The following E2F1 variants were observed in gnomAD, a reference collection of about 807,000 sequenced individuals.
The protein encoded by E2F1 is transcription factor E2F1.
Under a neutral mutation model 36.9 loss-of-function variants are expected in E2F1, and 7 were observed. That is an observed-to-expected ratio of 0.19 (90% confidence interval 0.11 to 0.36). The LOEUF is 0.36. E2F1 is among the 10% of genes least tolerant of loss of function. The pLI is 1.00. For missense variants in E2F1, 406 were observed against 573.6 expected (o/e 0.71, Z 2.99); for synonymous variants, 261 against 263.1 (o/e 0.99, Z 0.08).
At position 33,679,153 on chromosome 20, in the gene E2F1, G is replaced by A. The variant is rs2017995936; in HGVS notation, c.572+602C>T. ...GGATAGTGGTGACCTGGCGGTGTGA[G>A]GGGTTGGCAATGACTGGAAAGGGGC... On this transcript the variant is annotated intron_variant, in intron 3 of 6. Transcript: ENST00000343380. The surrounding 1 kb of genome is among the most constrained non-coding windows in gnomAD (Gnocchi z 4.6). Among the ~76,000 whole-genome samples the A allele has an allele frequency of 6.6e-6, 1 of 152,252 alleles. No individual in the cohort carries two copies. The highest frequency in any genetic ancestry group is 6.5e-5 in the Admixed American group (1 of 15,292).
Position 33,686,031 on chromosome 20 carries a change from C to A in E2F1, c.234G>T (p.Ala78=). Reference sequence around the variant, plus strand: ...GCGGGCGGCCGAGCGCGGGCCGCGGCGCACTGGGTGTGGGCCGGGGCGCCT... The same window carrying A: ...GCGGGCGGCCGAGCGCGGGCCGCGGAGCACTGGGTGTGGGCCGGGGCGCCT... ...TPQAPRPTPS[A]PRPALGRPPV... Residue 78 remains alanine, a synonymous_variant, in exon 1 of 7, where the codon GCG becomes GCT. Transcript: ENST00000343380. The A allele has an allele frequency of 8.8e-7, 1 of 1,133,460 alleles. No individual in the cohort carries two copies. The highest frequency in any genetic ancestry group is 1.1e-6 in the Non-Finnish European group (1 of 926,124). 70.2% of individuals were successfully genotyped at this position (1,133,460 alleles called of 1,614,324 possible). A position where few individuals can be genotyped will look rare whatever the true frequency, so the allele number is the denominator to read the frequency against.
intron 1 of E2F1, among the ~76,000 whole-genome samples, chr20:33,682,034 C>A (rs187389212): frequency 7.8e-6 from 1 of 127,528 alleles, no homozygotes; most frequent in East Asian, 2.8e-4. Context: ...TGGGCAGAAA[C>A]CTTACGCATC....
rs763333981 is a variant in E2F1, at chr20:33,678,278, G to A, written c.648C>T (p.Ser216=). ...LTQDLRQLQE[S]EQQLDHLMNI... Reference sequence around the variant, plus strand: ...TCATCAGGTGGTCCAGCTGCTGCTCGCTCTCCTGCAGCTGTCGGAGGTCCT... The same window carrying A: ...TCATCAGGTGGTCCAGCTGCTGCTCACTCTCCTGCAGCTGTCGGAGGTCCT... The change falls in exon 4 of 7, where the codon AGC becomes AGT. Residue 216 remains serine (S), a synonymous_variant. Transcript: ENST00000343380. 4 of 1,613,144 alleles carry A rather than the reference G, an allele frequency of 2.5e-6. No homozygotes were observed. The highest frequency in any genetic ancestry group is 2.2e-5 in the South Asian group (2 of 91,048).
At position 33,677,138 on chromosome 20, in the gene E2F1, C is replaced by A; in HGVS notation, c.1033G>T (p.Asp345Tyr). 1 of 1,610,902 alleles carries A rather than the reference C, an allele frequency of 6.2e-7. No homozygotes were observed. Among genetic ancestry groups the A allele is most frequent in the Non-Finnish European group, 8.5e-7 (1 of 1,178,502 alleles). The change falls in exon 6 of 7, where the codon GAT becomes TAT. Residue 345 changes from aspartate to tyrosine, a missense_variant. Asp to Tyr is a radical substitution (Grantham distance 160, BLOSUM62 -3). Coordinates refer to ENST00000343380, the MANE Select transcript of E2F1 (RefSeq NM_005225.3). The part of the protein sequence containing the change: ...PSSPPSSLTT[D>Y]PSQSLLSLEQ... ...AGGCTGAGTAGAGACTGGCTGGGAT[C>A]TGTGGTGAGGGATGAGGGGGGAGAT...
rs575207919 is a variant in E2F1, at chr20:33,679,351, C to A, written c.572+404G>T. Among the ~76,000 whole-genome samples, 2 of 152,356 alleles carry A rather than the reference C, an allele frequency of 1.3e-5. No individual in the cohort carries two copies. The highest frequency in any genetic ancestry group is 4.8e-5 in the African/African-American group (2 of 41,586). Reference sequence around the variant, plus strand: ...CTGAGATCAGGAGTTCGAGACCAGACTGGCCAACATGGTGAAACCCCATTT... The same window carrying A: ...CTGAGATCAGGAGTTCGAGACCAGAATGGCCAACATGGTGAAACCCCATTT... On this transcript the variant is annotated intron_variant, in intron 3 of 6. Coordinates refer to ENST00000343380, the MANE Select transcript of E2F1 (RefSeq NM_005225.3). This position sits in a 1 kb window ranked among gnomAD's most constrained non-coding sequence, Gnocchi z 4.6.
At chr20:33,681,725 GT>G (rs1160992216) in intron 1 of E2F1, among the ~76,000 whole-genome samples, 1 of 152,130 alleles carries the variant, frequency 6.6e-6, no homozygotes, top group Non-Finnish European at 1.5e-5. Context: ...TTCCTGACCT[GT>G]CACCCTCCTC....
Position 33,677,525 on chromosome 20 carries a change from C to G in E2F1, c.741G>C (p.Thr247=). 1 of 1,613,974 alleles carries G rather than the reference C, an allele frequency of 6.2e-7. No individual in the cohort carries two copies. ...DTDSQRLAYV[T]CQDLRSIADP... is the part of the protein sequence containing the mutation. The stretch of plus-strand genomic sequence containing the variant: ...CTGCAATGCTACGAAGGTCCTGACA[C>G]GTCACGTAGGCCAGGGTTGGCAGAG... Residue 247 remains threonine (T), a synonymous_variant, in exon 5 of 7, where the codon ACG becomes ACC. Coordinates refer to ENST00000343380, the MANE Select transcript of E2F1 (RefSeq NM_005225.3).
In E2F1 at chr20:33,677,531, G is replaced by A. The variant is rs141063030; in HGVS notation, c.735C>T (p.Tyr245=). 2.2e-4 allele frequency: 350 copies of A among 1,613,808 alleles called. No homozygotes were observed. The highest frequency in any genetic ancestry group is 2.6e-4 in the Non-Finnish European group (311 of 1,179,822). Residue 245 remains tyrosine, a synonymous_variant, in exon 5 of 7, where the codon TAC becomes TAT. Coordinates refer to ENST00000343380, the MANE Select transcript of E2F1 (RefSeq NM_005225.3). ...SEDTDSQRLA[Y]VTCQDLRSIA... ...TGCTACGAAGGTCCTGACACGTCAC[G>A]TAGGCCAGGGTTGGCAGAGTCAAGG...
rs949371147 is a variant in E2F1 at position 33,680,106 on chromosome 20, G to A, written c.353-132C>T. On this transcript the variant is annotated intron_variant, in intron 2 of 6. Transcript: ENST00000343380. The stretch of plus-strand genomic sequence containing the variant: ...GGACAGCCAGCTCCTTCCCCTTGGC[G>A]AGGCCAACCACAGCATTCTTCTTCT... The A allele has an allele frequency of 6.4e-6, 6 of 935,234 alleles. No homozygotes were observed. In the African/African-American group the frequency reaches 6.5e-5, roughly 10 times the overall value. The allele number at this position is 935,234 out of a possible 1,614,324, so 57.9% of individuals were successfully genotyped here.
intron 3 of E2F1, 97 bp from the exon 4 acceptor site, chr20:33,678,450 C>A: frequency 6.8e-7 from 1 of 1,462,562 alleles, no homozygotes; most frequent in South Asian, 1.3e-5. Flanking sequence ...TGCCTCTGTT[C>A]TGTGAGGCCT....
At chr20:33,685,586 A>G (rs1257226897) in intron 1 of E2F1, among the ~76,000 whole-genome samples, 1 of 152,098 alleles carries the variant, frequency 6.6e-6, no homozygotes, top group East Asian at 1.9e-4. Context: ...GACCAGGGGC[A>G]AGTCACTTTC....
rs545264721 is a variant in E2F1, at chr20:33,681,969, C to T, written c.262-1553G>A. ...AGTCACGTTTTCCCAGAAATCTAGA[C>T]TGCCCTTGCATCCCTCCCACCCTCC... On this transcript the variant is annotated intron_variant, in intron 1 of 6. Transcript: ENST00000343380. Among the ~76,000 whole-genome samples the T allele has an allele frequency of 4.6e-5, 7 of 152,258 alleles. No homozygotes were observed. The South Asian group carries it at 1.5e-3, about 32-fold the overall frequency.
rs1601189984 is a variant in E2F1 at position 33,686,007 on chromosome 20, C to A, written c.258G>T (p.Pro86=). ...PSAPRPALGR[P]PVKRRLDLET... ...GCGGCGTCCCTGGGGTCCGTACCGG[C>A]GGGCGGCCGAGCGCGGGCCGCGGCG... Residue 86 remains proline, a synonymous_variant, in exon 1 of 7, where the codon CCG becomes CCT. Transcript: ENST00000343380. The A allele has an allele frequency of 1.8e-6, 2 of 1,129,568 alleles. No homozygotes were observed. Among genetic ancestry groups the A allele is most frequent in the Non-Finnish European group, 2.2e-6 (2 of 923,446 alleles). 70.0% of individuals were successfully genotyped at this position (1,129,568 alleles called of 1,614,324 possible). A position where few individuals can be genotyped will look rare whatever the true frequency, so the allele number is the denominator to read the frequency against.
At chr20:33,684,000 T>C (rs773835163) in intron 1 of E2F1, among the ~76,000 whole-genome samples, 16 of 152,184 alleles carry the variant, frequency 1.1e-4, no homozygotes, top group Non-Finnish European at 1.9e-4. Flanking sequence ...GCCAAACCTG[T>C]GGACTTTCTG....
Position 33,676,913 on chromosome 20 carries a change from A to T in E2F1, c.1133T>A (p.Val378Glu), listed in dbSNP as rs1412203811. The stretch of plus-strand genomic sequence containing the variant: ...ATGCTCCAGGAGCGAGTCGGCCGCC[A>T]CCAGCGGGGACAGGCGGTCCTCGTC... Reference protein sequence around the residue: ...PVDEDRLSPLVAADSLLEHVR... With the variant: ...PVDEDRLSPLEAADSLLEHVR... The change falls in exon 7 of 7, where the codon GTG (valine) becomes GAG (glutamate). Residue 378 changes from valine (V) to glutamate (E), a missense_variant. This residue lies in a region of E2F1 where 163 missense variants were observed against 181.5 expected (regional missense o/e 0.90). Transcript: ENST00000343380. 6.4e-7 allele frequency: 1 copy of T among 1,568,370 alleles called. No individual in the cohort carries two copies. Among genetic ancestry groups the T allele is most frequent in the East Asian group, 2.4e-5 (1 of 42,124 alleles).
At position 33,679,624 on chromosome 20, in the gene E2F1, T is replaced by C. The variant is rs2018000334; in HGVS notation, c.572+131A>G. The C allele has an allele frequency of 1.3e-6, 1 of 785,140 alleles. No individual in the cohort carries two copies. The highest frequency in any genetic ancestry group is 2.2e-6 in the Non-Finnish European group (1 of 455,954). The allele number at this position is 785,140 out of a possible 1,614,324, so 48.6% of individuals were successfully genotyped here. ...TTACCATCTATCATCTCAGGGAAGC[T>C]ACCTCTCCTCTCTGAGCCCGTTTCC... is the stretch of plus-strand genomic sequence containing the variant. On this transcript the variant is annotated intron_variant, in intron 3 of 6. Transcript: ENST00000343380. This position sits in a 1 kb window ranked among gnomAD's most constrained non-coding sequence, Gnocchi z 4.6.
chr20:33,682,797 A>G (rs1449625132), intron 1 of E2F1, among the ~76,000 whole-genome samples: 3 of 152,206 alleles, frequency 2.0e-5, no homozygotes. Context: ...CCCCTTGAAC[A>G]CCACGCAGCT....
chr20:33,677,660 C>T, intron 4 of E2F1, 120 bp from the exon 5 acceptor site: 1 of 678,210 alleles, frequency 1.5e-6, no homozygotes, highest in South Asian at 1.9e-5. Flanking sequence ...CCTACCCACT[C>T]AAAACCTACC....
In E2F1 at chr20:33,676,430, G is replaced by A. The variant is rs1056504955; in HGVS notation, c.*302C>T. 8 of 342,772 alleles carry A rather than the reference G, an allele frequency of 2.3e-5. 1 individual carries two copies. The South Asian group carries it at 3.4e-4, about 15-fold the overall frequency. The allele number at this position is 342,772 out of a possible 1,614,324, so 21.2% of individuals were successfully genotyped here. On this transcript the variant is annotated 3_prime_UTR_variant, in exon 7 of 7. Transcript: ENST00000343380. ...GCGTGTCTGCAGTGCACACACAGAG[G>A]TGTATGTTCACCTTCATTCCCCGGT...
Sources: allele counts gnomAD v4.1 joint callset (sites outside exome capture counted in the v4.1 genomes callset), GRCh38; gene constraint gnomAD v4.1.1; regional missense constraint gnomAD v4.1.1; non-coding constraint Gnocchi (gnomAD v3.1); transcripts MANE v1.5; gene names NCBI Gene and HGNC (gene_info 2026-07-23, HGNC 2026-07-21).